SLC7A14: variants seen among roughly 807,000 people sequenced by gnomAD.
The protein encoded by SLC7A14 is gamma-aminobutyric acid transporter SLC7A14.
A neutral mutation model predicts 60.2 loss-of-function variants in SLC7A14; 37 were observed. The observed-to-expected ratio is 0.61, with a 90% confidence interval of 0.47 to 0.81. The LOEUF is 0.81. SLC7A14 is among the 30% of genes least tolerant of loss of function. The probability of loss-of-function intolerance (pLI) is 0.00; values close to 1 mark genes in which losing one functional copy is unlikely to be tolerated. For synonymous variants in SLC7A14, 399 were observed against 395.8 expected (o/e 1.01, Z -0.10); for missense variants, 886 against 982.7 (o/e 0.90, Z 1.32).
intron 7 of SLC7A14, among the ~76,000 whole-genome samples, chr3:170,472,753 T>G: frequency 7.0e-6 from 1 of 141,876 alleles, no homozygotes; most frequent in African/African-American, 2.7e-5. Context: ...GGTGACAGAG[T>G]GAAGACTCCG....
intron 1 of SLC7A14, among the ~76,000 whole-genome samples, chr3:170,529,626 G>A (rs1713614545): frequency 6.6e-6 from 1 of 152,132 alleles, no homozygotes; most frequent in South Asian, 2.1e-4. Flanking sequence ...CAGTTTCAGA[G>A]AGGGATACAG....
chr3:170,500,519 G>A (rs1712573032), intron 3 of SLC7A14, among the ~76,000 whole-genome samples: 2 of 149,820 alleles, frequency 1.3e-5, no homozygotes, highest in South Asian at 2.1e-4. Flanking sequence ...TTTGTTACAC[G>A]AGCTTCTGAT....
intron 5 of SLC7A14, 58 bp from the exon 6 acceptor site, chr3:170,483,580 G>A: frequency 6.3e-7 from 1 of 1,584,948 alleles, no homozygotes; most frequent in South Asian, 1.1e-5. Flanking sequence ...CATGGATAGA[G>A]GCCCCACGGG....
chr3:170,568,023 C>T (rs369570260), intron 1 of SLC7A14, among the ~76,000 whole-genome samples: 5 of 151,934 alleles, frequency 3.3e-5, no homozygotes, highest in South Asian at 2.1e-4. Context: ...TTAGATCCCA[C>T]TTGTCAATTT....
At chr3:170,497,109 AAG>A (rs1553867096) in intron 4 of SLC7A14, among the ~76,000 whole-genome samples, 2 of 147,118 alleles carry the variant, frequency 1.4e-5, no homozygotes, top group African/African-American at 5.1e-5. Context: ...AAAAAAAAAA[AAG>A]AAAGAAAGAA....
At chr3:170,551,979 TATTGCCTA>T (rs1244693001) in intron 1 of SLC7A14, among the ~76,000 whole-genome samples, 2 of 152,226 alleles carry the variant, frequency 1.3e-5, no homozygotes, top group Non-Finnish European at 2.9e-5. Context: ...CTAAAAAACG[TATTGCCTA>T]ATCCAAAATT....
In SLC7A14 at chr3:170,466,266, A is replaced by G. The variant is rs1320326976; in HGVS notation, c.*789T>C. The stretch of plus-strand genomic sequence containing the variant: ...CTCCACCTTTGCCCGCTTTCATCAT[A>G]TCACCAGGAGCTGCAGTCTGATATA... On this transcript the variant is annotated 3_prime_UTR_variant, in exon 8 of 8. Coordinates refer to ENST00000231706, the MANE Select transcript of SLC7A14 (RefSeq NM_020949.3). The G allele has an allele frequency of 6.6e-6, 1 of 152,204 alleles. No homozygotes were observed. The highest frequency in any genetic ancestry group is 1.5e-5 in the Non-Finnish European group (1 of 68,042). The allele number at this position is 152,204 out of a possible 1,614,324, so 9.4% of individuals were successfully genotyped here. A position where few individuals can be genotyped will look rare whatever the true frequency, so the allele number is the denominator to read the frequency against.
At chr3:170,559,042 A>G (rs1311820418) in intron 1 of SLC7A14, among the ~76,000 whole-genome samples, 1 of 152,172 alleles carries the variant, frequency 6.6e-6, no homozygotes, top group Non-Finnish European at 1.5e-5. Flanking sequence ...CTGCATGAAA[A>G]TCTGCTTCAC....
At position 170,460,488 on chromosome 3, in the gene SLC7A14, C is replaced by T. The variant is rs1739574239; in HGVS notation, c.*6567G>A. 6.6e-6 allele frequency: 1 copy of T among 152,136 alleles called. No individual in the cohort carries two copies. The highest frequency in any genetic ancestry group is 2.1e-4 in the South Asian group (1 of 4,826). 9.4% of individuals were successfully genotyped at this position (152,136 alleles called of 1,614,324 possible). On this transcript the variant is annotated 3_prime_UTR_variant, in exon 8 of 8. Transcript: ENST00000231706. ...GGGTTTATGATTTCTAGGGTAAATC[C>T]TCGCCTTTGGGAGTGTGAATGAGAC... is the stretch of plus-strand genomic sequence containing the variant.
intron 1 of SLC7A14, among the ~76,000 whole-genome samples, chr3:170,578,586 G>A (rs772782960): frequency 6.6e-5 from 10 of 152,154 alleles, no homozygotes; most frequent in African/African-American, 1.9e-4. Context: ...GTAAAATGGC[G>A]ATGATAGCAT....
intron 2 of SLC7A14, among the ~76,000 whole-genome samples, chr3:170,505,012 G>A (rs759290783): frequency 1.3e-5 from 2 of 152,170 alleles, no homozygotes; most frequent in Non-Finnish European, 2.9e-5. Flanking sequence ...TATGACTGCT[G>A]ATGGCCCCAG....
In SLC7A14 at chr3:170,526,381, G is replaced by A. The variant is rs150087715; in HGVS notation, c.304+252C>T. On this transcript the variant is annotated intron_variant, in intron 2 of 7. Coordinates refer to ENST00000231706, the MANE Select transcript of SLC7A14 (RefSeq NM_020949.3). Reference sequence around the variant, plus strand: ...CATGCCACTGCACTCCAGCCTGGGCGACAGAGCAAGACTCCATCTCAAAAA... The same window carrying A: ...CATGCCACTGCACTCCAGCCTGGGCAACAGAGCAAGACTCCATCTCAAAAA... Among the ~76,000 whole-genome samples, 1,323 of 150,558 alleles carry A rather than the reference G, an allele frequency of 8.8e-3. 20 individuals carry two copies. Among genetic ancestry groups the A allele is most frequent in the African/African-American group, 0.03 (1,209 of 40,870 alleles).
At chr3:170,478,891 A>G (rs1403759858) in intron 7 of SLC7A14, among the ~76,000 whole-genome samples, 1 of 152,072 alleles carries the variant, frequency 6.6e-6, no homozygotes, top group Non-Finnish European at 1.5e-5. Context: ...TGGGAGGCTG[A>G]GGTGGGCAGA....
intron 1 of SLC7A14, among the ~76,000 whole-genome samples, chr3:170,555,148 A>G (rs574237813): frequency 5.3e-4 from 80 of 150,258 alleles, no homozygotes; most frequent in African/African-American, 1.9e-3. Context: ...AGCCTGGGCA[A>G]CAGAGCAAGA....
At chr3:170,488,082 A>T (rs1486065483) in intron 4 of SLC7A14, among the ~76,000 whole-genome samples, 2 of 152,218 alleles carry the variant, frequency 1.3e-5, no homozygotes, top group Non-Finnish European at 2.9e-5. Flanking sequence ...AAATAAAATT[A>T]AAAATACTTA....
At chr3:170,570,684 G>A (rs1160878580) in intron 1 of SLC7A14, among the ~76,000 whole-genome samples, 2 of 152,042 alleles carry the variant, frequency 1.3e-5, no homozygotes, top group Non-Finnish European at 2.9e-5. Flanking sequence ...CCCGGACACT[G>A]GTAAAGTATT....
chr3:170,492,711 T>C (rs9875318), intron 4 of SLC7A14, among the ~76,000 whole-genome samples: 15,956 of 152,104 alleles, frequency 0.1, 1,254 homozygotes, highest in African/African-American at 0.21. Context: ...TGCTACTCAG[T>C]ATGTGAGGTC....
At position 170,495,648 on chromosome 3, in the gene SLC7A14, C is replaced by A; in HGVS notation, c.759+3019G>T. Reference sequence around the variant, plus strand: ...AGGCATCACCACTGTCACGTTCAACCAGAGCCTGCTGAGCCCTGTTAACCT... The same window carrying A: ...AGGCATCACCACTGTCACGTTCAACAAGAGCCTGCTGAGCCCTGTTAACCT... On this transcript the variant is annotated intron_variant, in intron 4 of 7. Transcript: ENST00000231706. The A allele has an allele frequency of 4.8e-6, 4 of 835,554 alleles. No individual in the cohort carries two copies. The Admixed American group carries it at 6.8e-5, about 14-fold the overall frequency. The allele number at this position is 835,554 out of a possible 1,614,324, so 51.8% of individuals were successfully genotyped here.
intron 4 of SLC7A14, among the ~76,000 whole-genome samples, chr3:170,491,363 A>T (rs982014976): frequency 6.6e-6 from 1 of 152,256 alleles, no homozygotes; most frequent in Non-Finnish European, 1.5e-5. Flanking sequence ...CTGCATTTGC[A>T]TATGTAGAAC....
Sources: gnomAD v4.1 joint callset for allele counts (sites outside exome capture counted in the v4.1 genomes callset) on GRCh38, gnomAD v4.1.1 for gene constraint, MANE v1.5 for transcripts, NCBI Gene and HGNC (gene_info 2026-07-23, HGNC 2026-07-21) for gene names.